Variants in EIF4G3 observed in about 807,000 individuals in gnomAD.
EIF4G3 encodes the protein eukaryotic translation initiation factor 4 gamma 3.
In EIF4G3, 34 loss-of-function variants were observed where a neutral mutation model predicts 186.4. That is an observed-to-expected ratio of 0.18 (90% CI 0.14 to 0.24). EIF4G3 has a LOEUF of 0.24. Among genes scored for constraint, EIF4G3 ranks in the 10% least tolerant of loss-of-function variants. The pLI is 1.00. For synonymous variants in EIF4G3, 673 were observed against 679.5 expected, an observed-to-expected ratio of 0.99 and a Z score of 0.15; for missense variants, 1,536 against 1,948.5, an observed-to-expected ratio of 0.79 and a Z score of 3.99.
chr1:21,058,132 A>T (rs886957699), intron 3 of EIF4G3, among the ~76,000 whole-genome samples: 3 of 152,232 alleles, frequency 2.0e-5, no homozygotes, highest in Non-Finnish European at 4.4e-5. Context: ...TGGAAAACAA[A>T]GTTTCCTTAA....
intron 4 of EIF4G3, among the ~76,000 whole-genome samples, chr1:21,041,529 C>T (rs1448378100): frequency 6.6e-6 from 1 of 152,068 alleles, no homozygotes; most frequent in Non-Finnish European, 1.5e-5. Context: ...AAATTTGAAA[C>T]TGAACTATAA....
chr1:21,119,392 T>C (rs948267503), intron 2 of EIF4G3, among the ~76,000 whole-genome samples: 1 of 152,054 alleles, frequency 6.6e-6, no homozygotes, highest in South Asian at 2.1e-4. Flanking sequence ...CTTTATAAAA[T>C]GACTACGGAG....
intron 14 of EIF4G3, among the ~76,000 whole-genome samples, chr1:20,924,352 A>G (rs1313172936): frequency 6.6e-6 from 1 of 152,228 alleles, no homozygotes; most frequent in Non-Finnish European, 1.5e-5. Context: ...TCATGATACA[A>G]ATGGTATCAG....
chr1:20,991,791 T>C (rs887590065), intron 7 of EIF4G3, among the ~76,000 whole-genome samples: 1 of 152,026 alleles, frequency 6.6e-6, no homozygotes, highest in African/African-American at 2.4e-5. Context: ...GAAATGAGCA[T>C]CCTTATAAAA....
At chr1:21,116,982 G>A (rs893791566) in intron 2 of EIF4G3, among the ~76,000 whole-genome samples, 14 of 152,018 alleles carry the variant, frequency 9.2e-5, no homozygotes, top group African/African-American at 3.4e-4. Flanking sequence ...GAGAACTCTT[G>A]GGTATTGCAA....
intron 14 of EIF4G3, among the ~76,000 whole-genome samples, chr1:20,924,812 T>C (rs375754837): frequency 6.6e-6 from 1 of 152,228 alleles, no homozygotes; most frequent in Non-Finnish European, 1.5e-5. Context: ...TCTGCCCACC[T>C]TGGCCTCCCA....
intron 4 of EIF4G3, among the ~76,000 whole-genome samples, chr1:21,047,893 T>C (rs1275057995): frequency 2.0e-5 from 3 of 152,126 alleles, no homozygotes; most frequent in African/African-American, 7.2e-5. Flanking sequence ...AACATATTGC[T>C]AGGAGACAGA....
intron 20 of EIF4G3, among the ~76,000 whole-genome samples, chr1:20,877,071 C>T (rs1308536691): frequency 6.6e-6 from 1 of 152,146 alleles, no homozygotes; most frequent in African/African-American, 2.4e-5. Context: ...TATTCCAATC[C>T]AATTTGTACT....
At chr1:20,997,197 T>G (rs182131894) in intron 7 of EIF4G3, among the ~76,000 whole-genome samples, 4 of 152,302 alleles carry the variant, frequency 2.6e-5, no homozygotes, top group African/African-American at 9.6e-5. Context: ...AATGCTATTT[T>G]ATACACATCA....
Position 21,052,141 on chromosome 1 carries a change from G to A in EIF4G3, c.-195-1147C>T, listed in dbSNP as rs567128165. ...TGAAAAATAATCAGCATGTTTTTACGTAACCAAAAATTTCATTTTCTCCGT... is the reference window on the plus strand; with the variant it reads ...TGAAAAATAATCAGCATGTTTTTACATAACCAAAAATTTCATTTTCTCCGT... On this transcript the variant is annotated intron_variant, in intron 3 of 36. Transcript: ENST00000602326. Among the ~76,000 whole-genome samples, 11 of 151,962 alleles carry A rather than the reference G, an allele frequency of 7.2e-5. No individual in the cohort carries two copies. The East Asian group carries it at 7.7e-4, about 11-fold the overall frequency.
intron 28 of EIF4G3, among the ~76,000 whole-genome samples, chr1:20,850,728 T>C (rs1557911193): frequency 6.6e-6 from 1 of 152,164 alleles, no homozygotes; most frequent in Non-Finnish European, 1.5e-5. Flanking sequence ...ATTTAACAGA[T>C]AAGGAAACTG....
At chr1:20,961,416 A>T (rs2096566897) in intron 12 of EIF4G3, among the ~76,000 whole-genome samples, 1 of 152,180 alleles carries the variant, frequency 6.6e-6, no homozygotes, top group Admixed American at 6.6e-5. Context: ...ATTACTGCGT[A>T]ACAGATGTAC....
chr1:21,150,853 G>C (rs556391426), intron 2 of EIF4G3, among the ~76,000 whole-genome samples: 2 of 152,274 alleles, frequency 1.3e-5, no homozygotes, highest in East Asian at 1.9e-4. Context: ...GCACATGCCT[G>C]TAATCCCAGC....
intron 20 of EIF4G3, among the ~76,000 whole-genome samples, chr1:20,871,489 A>G (rs1324585942): frequency 6.6e-6 from 1 of 152,188 alleles, no homozygotes; most frequent in Non-Finnish European, 1.5e-5. Flanking sequence ...TCAGACTCCC[A>G]GATACTAGTT....
At chr1:20,863,762 AAAAAAAGAG>A (rs1181693278) in intron 22 of EIF4G3, among the ~76,000 whole-genome samples, 1 of 107,848 alleles carries the variant, frequency 9.3e-6, no homozygotes, top group Non-Finnish European at 2.1e-5. Context: ...TACTTAAAAA[AAAAAAAGAG>A]AGAGAGAGAG....
At chr1:20,999,838 CTTTT>C in intron 6 of EIF4G3, 2 of 378,612 alleles carry the variant, frequency 5.3e-6, no homozygotes, top group Admixed American at 3.6e-5. Flanking sequence ...ATTTTTCTTT[CTTTT>C]TTCTTTTCTT....
chr1:21,068,375 T>TGAA (rs1219542911), intron 3 of EIF4G3, among the ~76,000 whole-genome samples: 2 of 67,824 alleles, frequency 2.9e-5, no homozygotes, highest in African/African-American at 9.8e-5. Flanking sequence ...ACTCTGTCTT[T>TGAA]AAAAAAAAAA....
intron 14 of EIF4G3, among the ~76,000 whole-genome samples, chr1:20,927,499 A>AAGT (rs1163604510): frequency 1.3e-5 from 2 of 152,164 alleles, no homozygotes; most frequent in African/African-American, 4.8e-5. Context: ...TTTTCCAGAG[A>AAGT]AGTCTGAAAG....
intron 3 of EIF4G3, among the ~76,000 whole-genome samples, chr1:21,063,116 CA>C (rs1355005366): frequency 6.6e-6 from 1 of 152,132 alleles, no homozygotes; most frequent in African/African-American, 2.4e-5. Context: ...TGCAGTGGCA[CA>C]ATCACAACTC....
Sources: allele counts gnomAD v4.1 joint callset (sites outside exome capture counted in the v4.1 genomes callset), GRCh38; gene constraint gnomAD v4.1.1; transcripts MANE v1.5; gene names NCBI Gene and HGNC (gene_info 2026-07-23, HGNC 2026-07-21).